The following PGAP4 variants were observed in gnomAD, a reference collection of about 807,000 sequenced individuals.
PGAP4 encodes the protein post-GPI attachment to proteins GalNAc transferase 4.
Under a neutral mutation model 28.2 loss-of-function variants are expected in PGAP4, and 12 were observed. The observed-to-expected ratio is 0.42, with a 90% CI of 0.27 to 0.69. The LOEUF (loss-of-function observed/expected upper bound fraction) is 0.69, where lower values mean the gene tolerates loss of function less well. PGAP4 is among the 30% of genes least tolerant of loss of function. The pLI is 0.22. For synonymous variants in PGAP4, 205 were observed against 211.8 expected (o/e 0.97, Z 0.28); for missense variants, 425 against 513.5 (o/e 0.83, Z 1.67).
rs977020214 is a variant in PGAP4, at chr9:101,486,414, G to A, written c.-78+535C>T. On this transcript the variant is annotated intron_variant, in intron 1 of 1. Coordinates refer to ENST00000374848, the MANE Select transcript of PGAP4 (RefSeq NM_032342.3). This position sits in a 1 kb window ranked among gnomAD's most constrained non-coding sequence, Gnocchi z 4.7. ...CCCTCCCCCAGCCCTTGGCTGCGAG[G>A]TCGCCCGCAGAAACCCAACACTGCT... is the stretch of plus-strand genomic sequence containing the variant. Among the ~76,000 whole-genome samples, 1 of 152,110 alleles carries A rather than the reference G, an allele frequency of 6.6e-6. No homozygotes were observed. Among genetic ancestry groups the A allele is most frequent in the Non-Finnish European group, 1.5e-5 (1 of 68,022 alleles).
intron 2 of PGAP4, among the ~76,000 whole-genome samples, chr9:101,494,643 CTG>C (rs1714362268): frequency 6.6e-6 from 1 of 151,750 alleles, no homozygotes; most frequent in Non-Finnish European, 1.5e-5. Context: ...TATCAGAAAT[CTG>C]TGTGAGTACT....
chr9:101,504,405 A>T (rs1826832509), intron 2 of PGAP4, among the ~76,000 whole-genome samples: 1 of 151,626 alleles, frequency 6.6e-6, no homozygotes, highest in South Asian at 2.1e-4. Context: ...TTTAAATTAA[A>T]TTTGTTGAAA....
chr9:101,493,269 AT>A (rs1426713033), intron 2 of PGAP4, among the ~76,000 whole-genome samples: 2 of 151,244 alleles, frequency 1.3e-5, no homozygotes, highest in Admixed American at 6.6e-5. Context: ...AAAAAAAAAA[AT>A]AGTAAACTTA....
upstream of PGAP4, chr9:101,533,613 G>A (rs1035209929): frequency 6.6e-6 from 1 of 152,274 alleles, no homozygotes; most frequent in Admixed American, 6.5e-5. Flanking sequence ...AGGTCAACAA[G>A]TCAACAAAAG....
intron 1 of PGAP4, among the ~76,000 whole-genome samples, chr9:101,477,843 C>G (rs1018900294): frequency 3.9e-5 from 6 of 152,004 alleles, no homozygotes; most frequent in Admixed American, 6.6e-5. Flanking sequence ...CATAAGCAAG[C>G]AAACTCTAGA....
chr9:101,485,523 G>A (rs1826593442), intron 1 of PGAP4, among the ~76,000 whole-genome samples: 1 of 152,134 alleles, frequency 6.6e-6, no homozygotes, highest in Non-Finnish European at 1.5e-5. Flanking sequence ...AAAGTCAGGA[G>A]GAGAAAGATA....
intron 2 of PGAP4, among the ~76,000 whole-genome samples, chr9:101,505,508 C>G (rs1436841263): frequency 6.6e-6 from 1 of 152,038 alleles, no homozygotes; most frequent in Non-Finnish European, 1.5e-5. Context: ...CTCTATTCTC[C>G]TTTTCTTGGG....
At chr9:101,481,733 C>T (rs1381735681) in intron 1 of PGAP4, among the ~76,000 whole-genome samples, 2 of 152,110 alleles carry the variant, frequency 1.3e-5, no homozygotes, top group Non-Finnish European at 2.9e-5. Context: ...GACACAATAC[C>T]AGGGTGTGAG....
chr9:101,495,595 T>C (rs1280135226), intron 2 of PGAP4, among the ~76,000 whole-genome samples: 1 of 148,850 alleles, frequency 6.7e-6, no homozygotes, highest in Admixed American at 6.9e-5. Flanking sequence ...TTTAAAACAG[T>C]TGTTTAAAAC....
chr9:101,497,443 C>T (rs938565651), intron 2 of PGAP4, among the ~76,000 whole-genome samples: 10 of 151,344 alleles, frequency 6.6e-5, no homozygotes, highest in Admixed American at 4.0e-4. Context: ...TGTTTTAAAC[C>T]AACAATATTA....
chr9:101,501,698 A>G, intron 2 of PGAP4: 2 of 519,054 alleles, frequency 3.9e-6, no homozygotes, highest in South Asian at 2.8e-5. Context: ...CACTGAGTAG[A>G]ACTTGTATAG....
intron 2 of PGAP4, among the ~76,000 whole-genome samples, chr9:101,525,664 C>A (rs1404073899): frequency 7.3e-6 from 1 of 137,466 alleles, no homozygotes; most frequent in Non-Finnish European, 1.5e-5. Context: ...GACAAGATTG[C>A]GCCATTGCAC....
rs573632931 is a variant in PGAP4 at position 101,493,741 on chromosome 9, A to G, written c.-164-4541T>C. 3.3e-5 allele frequency among the ~76,000 whole-genome samples: 5 copies of G among 152,258 alleles called. No homozygotes were observed. In the East Asian group the frequency reaches 9.7e-4, roughly 29 times the overall value. ...TGTACTTTGAATGTCTCTGGTCATGACGTTAGCAGTTTGGTGAACTTTTGT... is the reference window on the plus strand; with the variant it reads ...TGTACTTTGAATGTCTCTGGTCATGGCGTTAGCAGTTTGGTGAACTTTTGT... On this transcript the variant is annotated intron_variant, in intron 2 of 3. Coordinates refer to the PGAP4 transcript ENST00000374851.
chr9:101,488,191 A>G (rs573696880), upstream of PGAP4, among the ~76,000 whole-genome samples: 1 of 152,332 alleles, frequency 6.6e-6, no homozygotes, highest in South Asian at 2.1e-4. Flanking sequence ...ACTATAGATG[A>G]CAATGAAGTA....
Position 101,508,878 on chromosome 9 carries a change from C to T in PGAP4, c.-164-19678G>A, listed in dbSNP as rs184983818. 2.0e-4 allele frequency among the ~76,000 whole-genome samples: 30 copies of T among 152,282 alleles called. No homozygotes were observed. The East Asian group carries it at 4.4e-3, about 23-fold the overall frequency. On this transcript the variant is annotated intron_variant, in intron 2 of 3. Transcript: ENST00000374851. ...AAATGTGTTGCTTACATTCAGTCTA[C>T]TCTGTAACCTCGTTTTATTTGCTGT...
At chr9:101,492,688 G>C (rs533033971) in intron 2 of PGAP4, among the ~76,000 whole-genome samples, 1 of 152,108 alleles carries the variant, frequency 6.6e-6, no homozygotes, top group East Asian at 1.9e-4. Context: ...TACTATCTCT[G>C]TTGGTTTTTC....
chr9:101,527,030 A>G (rs1014759289), intron 2 of PGAP4, among the ~76,000 whole-genome samples: 3 of 152,220 alleles, frequency 2.0e-5, no homozygotes. Flanking sequence ...ATCCTGCAAT[A>G]AAGATGAAGC....
intron 2 of PGAP4, among the ~76,000 whole-genome samples, chr9:101,519,494 G>A (rs989490580): frequency 5.9e-5 from 9 of 152,156 alleles, no homozygotes; most frequent in East Asian, 1.9e-4. Context: ...GTTTGAGTTC[G>A]TTGTAGATTC....
In PGAP4 at chr9:101,486,115, G is replaced by A. The variant is rs977074417; in HGVS notation, c.-78+834C>T. ...GAGCTCACGCCCCAAGACACCGCGA[G>A]CGCAGTGCGACACTAGCGACGCCGG... is the stretch of plus-strand genomic sequence containing the variant. On this transcript the variant is annotated intron_variant, in intron 1 of 1. Coordinates refer to ENST00000374848, the MANE Select transcript of PGAP4 (RefSeq NM_032342.3). The surrounding 1 kb of genome is among the most constrained non-coding windows in gnomAD (Gnocchi z 4.7). 6.6e-6 allele frequency among the ~76,000 whole-genome samples: 1 copy of A among 152,190 alleles called. No homozygotes were observed. Among genetic ancestry groups the A allele is most frequent in the African/African-American group, 2.4e-5 (1 of 41,452 alleles).
Sources: gnomAD v4.1 joint callset for allele counts (sites outside exome capture counted in the v4.1 genomes callset) on GRCh38, gnomAD v4.1.1 for gene constraint, Gnocchi (gnomAD v3.1) non-coding constraint, MANE v1.5 for transcripts, NCBI Gene and HGNC (gene_info 2026-07-23, HGNC 2026-07-21) for gene names.